Variants in CA10 observed in about 807,000 individuals in gnomAD.
CA10 encodes the protein carbonic anhydrase 10 (inactive).
CA10 carries 14 observed loss-of-function variants against 44.2 expected under a neutral mutation model. The observed-to-expected ratio is 0.32, with a 90% CI of 0.21 to 0.50. The LOEUF (loss-of-function observed/expected upper bound fraction) is 0.50, where lower values mean the gene tolerates loss of function less well. CA10 is among the 20% of genes least tolerant of loss of function. CA10 has a pLI of 0.99. For synonymous variants in CA10, 159 were observed against 141.6 expected (o/e 1.12, Z -0.87); for missense variants, 350 against 409.7 (o/e 0.85, Z 1.26).
At chr17:51,798,101 G>T (rs557577685) in intron 3 of CA10, among the ~76,000 whole-genome samples, 1 of 152,092 alleles carries the variant, frequency 6.6e-6, no homozygotes, top group African/African-American at 2.4e-5. Context: ...TTGCTCCTTC[G>T]CACAATGCAC....
chr17:51,990,542 T>A (rs1985004304), intron 2 of CA10, among the ~76,000 whole-genome samples: 1 of 152,056 alleles, frequency 6.6e-6, no homozygotes, highest in African/African-American at 2.4e-5. Flanking sequence ...AGTACAAAAC[T>A]GAGATAATTC....
chr17:51,671,980 C>T (rs1226366515), intron 4 of CA10, among the ~76,000 whole-genome samples: 1 of 152,138 alleles, frequency 6.6e-6, no homozygotes. Context: ...CAAATCTAAC[C>T]CTAGCCTTGC....
At chr17:52,143,754 C>T (rs1464730731) in intron 1 of CA10, among the ~76,000 whole-genome samples, 1 of 152,036 alleles carries the variant, frequency 6.6e-6, no homozygotes, top group African/African-American at 2.4e-5. Context: ...TCACAGCAGG[C>T]CATTAATCTC....
At chr17:51,903,200 G>C (rs1423430027) in intron 3 of CA10, among the ~76,000 whole-genome samples, 1 of 152,108 alleles carries the variant, frequency 6.6e-6, no homozygotes, top group Non-Finnish European at 1.5e-5. Context: ...TCTAGGGTGA[G>C]TTTCTTCTGA....
intron 4 of CA10, among the ~76,000 whole-genome samples, chr17:51,677,119 G>A (rs2143374311): frequency 6.6e-6 from 1 of 152,320 alleles, no homozygotes; most frequent in South Asian, 2.1e-4. Flanking sequence ...ACTTGAGCCT[G>A]CAAAATGGGT....
At chr17:51,723,727 C>T (rs766907098) in intron 4 of CA10, among the ~76,000 whole-genome samples, 2 of 152,148 alleles carry the variant, frequency 1.3e-5, no homozygotes, top group African/African-American at 2.4e-5. Context: ...TTATCTTTGC[C>T]GAAATCAGAA....
At chr17:52,128,774 T>C (rs1484988845) in intron 1 of CA10, among the ~76,000 whole-genome samples, 1 of 152,168 alleles carries the variant, frequency 6.6e-6, no homozygotes, top group African/African-American at 2.4e-5. Context: ...TAACCCCAGA[T>C]TTTAGTCTTT....
At chr17:52,110,044 C>A (rs1988757123) in intron 1 of CA10, among the ~76,000 whole-genome samples, 1 of 152,138 alleles carries the variant, frequency 6.6e-6, no homozygotes, top group Admixed American at 6.5e-5. Flanking sequence ...GACTATTCTG[C>A]AAACACAAAG....
At chr17:51,677,213 T>C (rs1280937240) in intron 4 of CA10, among the ~76,000 whole-genome samples, 4 of 152,224 alleles carry the variant, frequency 2.6e-5, no homozygotes, top group African/African-American at 7.2e-5. Context: ...CCAAATCTCA[T>C]GTTCAATTGT....
intron 2 of CA10, among the ~76,000 whole-genome samples, chr17:51,983,813 T>A (rs1413912068): frequency 6.6e-6 from 1 of 151,712 alleles, no homozygotes; most frequent in South Asian, 2.1e-4. Flanking sequence ...TGATTGGAGA[T>A]AAAATTTTTA....
intron 1 of CA10, among the ~76,000 whole-genome samples, chr17:52,098,725 C>T (rs1332025833): frequency 6.6e-6 from 1 of 152,174 alleles, no homozygotes; most frequent in African/African-American, 2.4e-5. Context: ...ACCTGTTCCT[C>T]TACCGGGCCA....
chr17:51,667,757 G>T (rs1914260813), intron 4 of CA10, among the ~76,000 whole-genome samples: 1 of 152,138 alleles, frequency 6.6e-6, no homozygotes, highest in African/African-American at 2.4e-5. Flanking sequence ...GAGACAGAAG[G>T]AGGGAGAGCC....
At chr17:52,011,954 G>A (rs931635180) in intron 2 of CA10, among the ~76,000 whole-genome samples, 1 of 152,024 alleles carries the variant, frequency 6.6e-6, no homozygotes, top group Non-Finnish European at 1.5e-5. Context: ...AAAAATGGCA[G>A]AATAGTCTGT....
At chr17:51,662,311 T>G (rs1373881315) in intron 4 of CA10, among the ~76,000 whole-genome samples, 2 of 152,212 alleles carry the variant, frequency 1.3e-5, no homozygotes, top group Non-Finnish European at 2.9e-5. Context: ...ATGAATGCTG[T>G]ATATTCCATA....
chr17:51,805,159 G>T (rs1036311962), intron 3 of CA10, among the ~76,000 whole-genome samples: 2 of 152,132 alleles, frequency 1.3e-5, no homozygotes, highest in African/African-American at 4.8e-5. Context: ...TGCCACTCTG[G>T]GCAGTTGTTT....
At chr17:51,784,363 G>T (rs1225428294) in intron 3 of CA10, among the ~76,000 whole-genome samples, 1 of 152,184 alleles carries the variant, frequency 6.6e-6, no homozygotes, top group African/African-American at 2.4e-5. Flanking sequence ...AAACATGGAA[G>T]GCAGTTATGC....
chr17:51,919,297 C>A (rs1180326285), intron 3 of CA10, among the ~76,000 whole-genome samples: 3 of 152,128 alleles, frequency 2.0e-5, no homozygotes, highest in Non-Finnish European at 4.4e-5. Context: ...GTCAGGCTTA[C>A]AAGGAGTAGA....
At chr17:52,064,947 G>A (rs1315238008) in intron 2 of CA10, among the ~76,000 whole-genome samples, 4 of 152,176 alleles carry the variant, frequency 2.6e-5, no homozygotes, top group Non-Finnish European at 5.9e-5. Flanking sequence ...AGAGTAAAGT[G>A]CTTAAAACTA....
intron 3 of CA10, among the ~76,000 whole-genome samples, chr17:51,908,046 T>C (rs1340104834): frequency 6.6e-6 from 1 of 152,150 alleles, no homozygotes; most frequent in Non-Finnish European, 1.5e-5. Flanking sequence ...ATGAATAAAG[T>C]AGAAGGGCTG....
Sources: allele counts gnomAD v4.1 joint callset (sites outside exome capture counted in the v4.1 genomes callset), GRCh38; gene constraint gnomAD v4.1.1; transcripts MANE v1.5; gene names NCBI Gene and HGNC (gene_info 2026-07-23, HGNC 2026-07-21).